Variants in RAB31 observed in about 807,000 individuals in gnomAD.
RAB31 encodes the protein RAB31, member RAS oncogene family, also known as ras-related protein Rab-31.
A neutral mutation model predicts 25.6 loss-of-function variants in RAB31; 21 were observed. The ratio of observed to expected loss-of-function variants is 0.82; its 90% CI spans 0.58 to 1.18. The LOEUF (loss-of-function observed/expected upper bound fraction) is 1.18. Ranked by LOEUF, RAB31 falls within the 50% of genes most tolerant of loss-of-function variation. The pLI is 0.00. For missense variants in RAB31, 196 were observed against 250.1 expected, an observed-to-expected ratio of 0.78 and a Z score of 1.46; for synonymous variants, 87 against 84.0, an observed-to-expected ratio of 1.04 and a Z score of -0.20.
chr18:9,743,109 C>CT (rs1286142792), intron 1 of RAB31, among the ~76,000 whole-genome samples: 3 of 152,128 alleles, frequency 2.0e-5, no homozygotes, highest in East Asian at 1.9e-4. Flanking sequence ...TGCGGCAAAG[C>CT]TTTAAGAATT....
chr18:9,800,895 A>T (rs1439449883), intron 3 of RAB31, among the ~76,000 whole-genome samples: 8 of 152,174 alleles, frequency 5.3e-5, no homozygotes, highest in African/African-American at 1.9e-4. Flanking sequence ...GAATTGTTCA[A>T]CCATCAGCAC....
intron 5 of RAB31, among the ~76,000 whole-genome samples, chr18:9,817,398 A>G (rs185241164): frequency 6.6e-6 from 1 of 152,280 alleles, no homozygotes; most frequent in East Asian, 1.9e-4. Flanking sequence ...TTATTGGAAG[A>G]TACTGGTAAT....
intron 3 of RAB31, among the ~76,000 whole-genome samples, chr18:9,809,305 G>A (rs927775815): frequency 9.0e-6 from 1 of 111,678 alleles, no homozygotes; most frequent in Middle Eastern, 4.8e-3. Context: ...TTTGAGTCCA[G>A]TTCTCTTCAC....
Position 9,708,645 on chromosome 18 carries a change from G to GCCCCTCGCTCTCCGCA in RAB31, c.39+206_39+221dup, listed in dbSNP as rs947328125. On this transcript the variant is annotated intron_variant, in intron 1 of 6. Transcript: ENST00000578921. The surrounding 1 kb of genome is among the most constrained non-coding windows in gnomAD (Gnocchi z 6.4). ...AGTCCGTGCGCCCCTCGCTCTCCGC[G>GCCCCTCGCTCTCCGCA]CCCCTCGCTCTCCGCACCCCGCCTG... 6.7e-6 allele frequency among the ~76,000 whole-genome samples: 1 copy of GCCCCTCGCTCTCCGCA among 149,310 alleles called. No homozygotes were observed. Among genetic ancestry groups the GCCCCTCGCTCTCCGCA allele is most frequent in the Non-Finnish European group, 1.5e-5 (1 of 67,168 alleles).
At chr18:9,774,018 C>T (rs892654435) in intron 1 of RAB31, among the ~76,000 whole-genome samples, 1 of 151,976 alleles carries the variant, frequency 6.6e-6, no homozygotes, top group Non-Finnish European at 1.5e-5. Context: ...AAATAACATC[C>T]TGCTGTTTTG....
At chr18:9,745,828 G>A (rs1214593882) in intron 1 of RAB31, among the ~76,000 whole-genome samples, 1 of 152,178 alleles carries the variant, frequency 6.6e-6, no homozygotes, top group Non-Finnish European at 1.5e-5. Context: ...CTGTTCAATG[G>A]CAAAAGACTT....
rs1179437549 is a variant in RAB31, at chr18:9,739,108, G to T, written c.39+30664G>T. ...GGAAAGAATATGAGTTTAAAGAAAT[G>T]GATTGTAATGCATGATATAGTTGCA... On this transcript the variant is annotated intron_variant, in intron 1 of 6. Transcript: ENST00000578921. Among the ~76,000 whole-genome samples the T allele has an allele frequency of 5.9e-5, 9 of 152,118 alleles. No homozygotes were observed. The East Asian group carries it at 1.7e-3, about 29-fold the overall frequency.
intron 3 of RAB31, among the ~76,000 whole-genome samples, chr18:9,805,950 G>A (rs368901360): frequency 2.0e-5 from 3 of 152,012 alleles, no homozygotes; most frequent in African/African-American, 4.8e-5. Flanking sequence ...CGAGGCGGGC[G>A]GATCACGAGG....
chr18:9,782,669 T>C (rs1314686950), intron 2 of RAB31, among the ~76,000 whole-genome samples: 1 of 152,162 alleles, frequency 6.6e-6, no homozygotes, highest in Non-Finnish European at 1.5e-5. Context: ...GAGGGTAATC[T>C]ACACAGAAGA....
intron 2 of RAB31, among the ~76,000 whole-genome samples, chr18:9,779,392 G>A (rs1447668996): frequency 1.3e-5 from 2 of 152,080 alleles, no homozygotes. Flanking sequence ...TTTCTTATAA[G>A]TACTTTCTGT....
At chr18:9,719,484 A>G (rs578153580) in intron 1 of RAB31, among the ~76,000 whole-genome samples, 3 of 151,436 alleles carry the variant, frequency 2.0e-5, no homozygotes, top group South Asian at 4.2e-4. Context: ...TTAGCTGGCA[A>G]TATCCTATTT....
chr18:9,719,298 A>AAAATATATAT (rs1568161256), intron 1 of RAB31, among the ~76,000 whole-genome samples: 1 of 23,108 alleles, frequency 4.3e-5, no homozygotes, highest in African/African-American at 1.2e-4. Flanking sequence ...AAAAAAAAAA[A>AAAATATATAT]ATATATATAT....
At chr18:9,757,369 C>T (rs1419106714) in intron 1 of RAB31, among the ~76,000 whole-genome samples, 1 of 152,218 alleles carries the variant, frequency 6.6e-6, no homozygotes, top group Non-Finnish European at 1.5e-5. Context: ...CCTGCCTCTA[C>T]ACCCTACATT....
chr18:9,747,064 CA>C (rs1478039633), intron 1 of RAB31, among the ~76,000 whole-genome samples: 1 of 152,054 alleles, frequency 6.6e-6, no homozygotes, highest in African/African-American at 2.4e-5. Context: ...CAATTCAACA[CA>C]AAAAGACAAA....
chr18:9,788,782 A>G (rs996553778), intron 2 of RAB31, among the ~76,000 whole-genome samples: 12 of 152,238 alleles, frequency 7.9e-5, no homozygotes, highest in African/African-American at 2.2e-4. Flanking sequence ...CCTGGCCAAC[A>G]TGGTGAAACC....
chr18:9,813,232 CT>C (rs1010584792), intron 3 of RAB31, among the ~76,000 whole-genome samples: 2 of 152,166 alleles, frequency 1.3e-5, no homozygotes, highest in African/African-American at 4.8e-5. Context: ...GTGGCAGCCC[CT>C]CCAGACCCGA....
chr18:9,794,969 T>C (rs774942230), intron 3 of RAB31, among the ~76,000 whole-genome samples: 14 of 152,162 alleles, frequency 9.2e-5, no homozygotes, highest in Non-Finnish European at 1.8e-4. Flanking sequence ...TCTGGAGGCA[T>C]CACATTACCC....
At chr18:9,799,909 G>T (rs2068505198) in intron 3 of RAB31, among the ~76,000 whole-genome samples, 1 of 152,130 alleles carries the variant, frequency 6.6e-6, no homozygotes, top group Non-Finnish European at 1.5e-5. Context: ...GTGCCATTGG[G>T]CTCCCTCTGT....
chr18:9,757,245 G>A (rs1172484573), intron 1 of RAB31, among the ~76,000 whole-genome samples: 1 of 152,242 alleles, frequency 6.6e-6, no homozygotes, highest in Non-Finnish European at 1.5e-5. Flanking sequence ...CGGCATGGTG[G>A]ATGGTTGTGG....
Sources: allele counts gnomAD v4.1 joint callset (sites outside exome capture counted in the v4.1 genomes callset), GRCh38; gene constraint gnomAD v4.1.1; non-coding constraint Gnocchi (gnomAD v3.1); transcripts MANE v1.5; gene names NCBI Gene and HGNC (gene_info 2026-07-23, HGNC 2026-07-21).